FRMD4A: variants seen among roughly 807,000 people sequenced by gnomAD.
FRMD4A encodes FERM domain containing 4A.
FRMD4A carries 29 observed loss-of-function variants against 129.1 expected under a neutral mutation model. That is an observed-to-expected ratio of 0.22 (90% confidence interval 0.17 to 0.31). FRMD4A has a LOEUF of 0.31. Among genes scored for constraint, FRMD4A ranks in the 10% least tolerant of loss-of-function variants. The probability of loss-of-function intolerance (pLI) is 1.00; values close to 1 mark genes in which losing one functional copy is unlikely to be tolerated. For missense variants in FRMD4A, 1,272 were observed against 1,375.8 expected (o/e 0.92, Z 1.19); for synonymous variants, 634 against 571.6 (o/e 1.11, Z -1.56).
At chr10:13,939,704 T>A (rs1019747671) in intron 2 of FRMD4A, among the ~76,000 whole-genome samples, 4 of 152,206 alleles carry the variant, frequency 2.6e-5, no homozygotes, top group Non-Finnish European at 5.9e-5. Flanking sequence ...ACAACAAGAA[T>A]AATCAGTACT....
chr10:13,839,647 A>G (rs2093931724), intron 3 of FRMD4A, among the ~76,000 whole-genome samples: 1 of 152,186 alleles, frequency 6.6e-6, no homozygotes, highest in Non-Finnish European at 1.5e-5. Flanking sequence ...TGGTCATGTG[A>G]AAGACACACC....
intron 3 of FRMD4A, among the ~76,000 whole-genome samples, chr10:13,819,855 G>A (rs1244821578): frequency 6.6e-6 from 1 of 152,114 alleles, no homozygotes; most frequent in Non-Finnish European, 1.5e-5. Context: ...CCAAGTAGCT[G>A]GGATTATAGG....
chr10:14,275,224 T>A (rs1052052035), intron 2 of FRMD4A, among the ~76,000 whole-genome samples: 1 of 152,138 alleles, frequency 6.6e-6, no homozygotes, highest in Non-Finnish European at 1.5e-5. Flanking sequence ...GGACTTATAG[T>A]CAAGTCATAG....
intron 2 of FRMD4A, among the ~76,000 whole-genome samples, chr10:13,945,705 G>A (rs543997349): frequency 3.0e-4 from 46 of 152,072 alleles, no homozygotes; most frequent in Non-Finnish European, 5.1e-4. Flanking sequence ...TGCTCCATGC[G>A]GCCATTTAAT....
chr10:14,039,815 C>T (rs925781682), intron 2 of FRMD4A, among the ~76,000 whole-genome samples: 4 of 152,132 alleles, frequency 2.6e-5, no homozygotes, highest in Admixed American at 6.5e-5. Flanking sequence ...TGTACCCAAC[C>T]ACCTTGGGCG....
intron 2 of FRMD4A, among the ~76,000 whole-genome samples, chr10:13,927,644 C>A (rs1014068459): frequency 2.0e-5 from 3 of 152,208 alleles, no homozygotes; most frequent in Non-Finnish European, 4.4e-5. Flanking sequence ...ATTAGGCTGT[C>A]CTCTTCCACA....
At chr10:14,251,905 A>T (rs999874249) in intron 2 of FRMD4A, among the ~76,000 whole-genome samples, 32 of 152,222 alleles carry the variant, frequency 2.1e-4, no homozygotes, top group African/African-American at 7.2e-4. Context: ...ACACACACAC[A>T]ATTTAAAACA....
intron 2 of FRMD4A, among the ~76,000 whole-genome samples, chr10:14,046,436 A>C (rs1016270177): frequency 2.0e-5 from 3 of 152,152 alleles, no homozygotes; most frequent in African/African-American, 7.2e-5. Context: ...TAATATAAAA[A>C]ACCATACGGC....
intron 3 of FRMD4A, among the ~76,000 whole-genome samples, chr10:13,835,784 A>C (rs1236722743): frequency 6.6e-6 from 1 of 152,222 alleles, no homozygotes; most frequent in Non-Finnish European, 1.5e-5. Flanking sequence ...CAATATAATA[A>C]TAGAAATAAA....
chr10:13,656,166 C>G (rs888833864), intron 22 of FRMD4A, among the ~76,000 whole-genome samples: 1 of 152,196 alleles, frequency 6.6e-6, no homozygotes, highest in Non-Finnish European at 1.5e-5. Flanking sequence ...ATTAGCCAGT[C>G]TGCCCCCATC....
At chr10:14,129,894 C>T (rs982026005) in intron 2 of FRMD4A, among the ~76,000 whole-genome samples, 1 of 152,160 alleles carries the variant, frequency 6.6e-6, no homozygotes, top group Admixed American at 6.5e-5. Flanking sequence ...TCTGTGGGCA[C>T]CTGGCACCTG....
At chr10:13,872,845 T>C (rs990146504) in intron 2 of FRMD4A, among the ~76,000 whole-genome samples, 6 of 152,092 alleles carry the variant, frequency 3.9e-5, no homozygotes, top group African/African-American at 1.5e-4. Context: ...GTATCTACCT[T>C]TTCTTTTGTT....
intron 2 of FRMD4A, among the ~76,000 whole-genome samples, chr10:14,170,120 C>A (rs1268451852): frequency 1.3e-5 from 2 of 152,182 alleles, no homozygotes; most frequent in Non-Finnish European, 2.9e-5. Flanking sequence ...CCTAAGGAGC[C>A]ATAGAGCTTT....
intron 2 of FRMD4A, among the ~76,000 whole-genome samples, chr10:14,316,508 CAAAAAAAAAA>C (rs760301974): frequency 2.5e-4 from 27 of 109,948 alleles, no homozygotes; most frequent in African/African-American, 8.4e-4. Context: ...GTGATAGCAG[CAAAAAAAAAA>C]AAAAAAAAGA....
intron 2 of FRMD4A, among the ~76,000 whole-genome samples, chr10:13,922,135 C>G (rs1243641098): frequency 6.6e-6 from 1 of 152,194 alleles, no homozygotes; most frequent in Non-Finnish European, 1.5e-5. Flanking sequence ...GGAATGGAAT[C>G]TGCTGGCATC....
intron 24 of FRMD4A, chr10:13,647,563 A>G (rs1480421004): frequency 6.6e-6 from 1 of 152,158 alleles, no homozygotes. Context: ...AGAACATTCA[A>G]AATGTGAGTT....
At chr10:13,758,494 T>C (rs1168378129) in intron 8 of FRMD4A, among the ~76,000 whole-genome samples, 1 of 152,250 alleles carries the variant, frequency 6.6e-6, no homozygotes, top group Non-Finnish European at 1.5e-5. Context: ...TAGTGATAGA[T>C]GCAGGAGGCA....
chr10:13,705,573 C>T (rs1017455872), intron 13 of FRMD4A, among the ~76,000 whole-genome samples: 1 of 152,064 alleles, frequency 6.6e-6, no homozygotes, highest in Non-Finnish European at 1.5e-5. Context: ...CTTAAATTTC[C>T]CCTCTCTTAC....
At chr10:13,968,161 C>T (rs1401509874) in intron 2 of FRMD4A, among the ~76,000 whole-genome samples, 2 of 152,186 alleles carry the variant, frequency 1.3e-5, no homozygotes, top group African/African-American at 4.8e-5. Flanking sequence ...TTTAGACCAT[C>T]CCAACACCTA....
Sources: allele counts gnomAD v4.1 joint callset (sites outside exome capture counted in the v4.1 genomes callset), GRCh38; gene constraint gnomAD v4.1.1; transcripts MANE v1.5; gene names NCBI Gene and HGNC (gene_info 2026-07-23, HGNC 2026-07-21).